HERPUD2: variants seen among roughly 807,000 people sequenced by gnomAD.
HERPUD2 encodes the protein homocysteine-responsive endoplasmic reticulum-resident ubiquitin-like domain member 2 protein.
A neutral mutation model predicts 49.9 loss-of-function variants in HERPUD2; 13 were observed. That is an observed-to-expected ratio of 0.26 (90% CI 0.17 to 0.41). HERPUD2 has a LOEUF of 0.41. Among genes scored for constraint, HERPUD2 ranks in the 10% least tolerant of loss-of-function variants. The pLI is 1.00. For synonymous variants in HERPUD2, 172 were observed against 171.4 expected, an observed-to-expected ratio of 1.00 and a Z score of -0.03; for missense variants, 449 against 492.2, an observed-to-expected ratio of 0.91 and a Z score of 0.83.
Position 35,682,343 on chromosome 7 carries a change from GTGTGTGTGTGTGTGTATATA to G in HERPUD2, c.148-9085_148-9066del, listed in dbSNP as rs1562686259. Among the ~76,000 whole-genome samples, 237 of 37,800 alleles carry G rather than the reference GTGTGTGTGTGTGTGTATATA, an allele frequency of 6.3e-3. 28 individuals carry two copies. The highest frequency in any genetic ancestry group is 8.0e-3 in the Non-Finnish European group (156 of 19,464). 24.8% of individuals were successfully genotyped at this position (37,800 alleles called of 152,430 possible). A position where few individuals can be genotyped will look rare whatever the true frequency, so the allele number is the denominator to read the frequency against. ...CATACACACGTGTGTGTGTGTGTGTGTGTGTGTGTGTGTGTATATATATATATATATATATATATATATAC... is the reference window on the plus strand; with the variant it reads ...CATACACACGTGTGTGTGTGTGTGTGTATATATATATATATATATATATAC... On this transcript the variant is annotated intron_variant, in intron 2 of 8. Coordinates refer to ENST00000311350, the MANE Select transcript of HERPUD2 (RefSeq NM_022373.5).
intron 5 of HERPUD2, among the ~76,000 whole-genome samples, chr7:35,650,610 A>G (rs1785144991): frequency 1.3e-5 from 2 of 152,148 alleles, no homozygotes; most frequent in South Asian, 4.1e-4. Context: ...TGCATGAGGG[A>G]TAACTGATGT....
rs370909445 is a variant in HERPUD2 at position 35,660,821 on chromosome 7, C to T, written c.494+6613G>A. On this transcript the variant is annotated intron_variant, in intron 5 of 8. Coordinates refer to ENST00000311350, the MANE Select transcript of HERPUD2 (RefSeq NM_022373.5). ...ATATTATAAAAATTTTCTCCCATTC[C>T]GTAGGTTGCCTGTTCACTCTGATGG... Among the ~76,000 whole-genome samples, 14 of 152,146 alleles carry T rather than the reference C, an allele frequency of 9.2e-5. No homozygotes were observed. In the South Asian group the frequency reaches 1.5e-3, roughly 16 times the overall value.
chr7:35,664,607 C>G (rs1312264228), intron 5 of HERPUD2, among the ~76,000 whole-genome samples: 1 of 152,134 alleles, frequency 6.6e-6, no homozygotes, highest in African/African-American at 2.4e-5. Flanking sequence ...TCTTTTTTCT[C>G]TAAACTTCTC....
At chr7:35,681,074 A>G (rs1785879300) in intron 2 of HERPUD2, among the ~76,000 whole-genome samples, 1 of 152,224 alleles carries the variant, frequency 6.6e-6, no homozygotes, top group Non-Finnish European at 1.5e-5. Flanking sequence ...TCACAACATT[A>G]AAACACTTGC....
At chr7:35,658,299 T>C (rs927826285) in intron 5 of HERPUD2, among the ~76,000 whole-genome samples, 3 of 151,578 alleles carry the variant, frequency 2.0e-5, no homozygotes, top group African/African-American at 7.3e-5. Context: ...AGGTAGAGAG[T>C]AGATTGATAG....
At position 35,694,503 on chromosome 7, in the gene HERPUD2, T is replaced by C; in HGVS notation, c.-173A>G. The C allele has an allele frequency of 4.6e-6, 3 of 655,136 alleles. No homozygotes were observed. The highest frequency in any genetic ancestry group is 7.8e-6 in the Non-Finnish European group (3 of 385,490). 40.6% of individuals were successfully genotyped at this position (655,136 alleles called of 1,614,324 possible). ...CGAAGCCCATTGCCGGTACCAAGGA[T>C]GGACTGAGGTGGTGGCGACTGCGAC... On this transcript the variant is annotated 5_prime_UTR_variant, in exon 2 of 9. Coordinates refer to ENST00000311350, the MANE Select transcript of HERPUD2 (RefSeq NM_022373.5).
At chr7:35,657,247 GTA>G (rs1188221453) in intron 5 of HERPUD2, among the ~76,000 whole-genome samples, 3 of 151,846 alleles carry the variant, frequency 2.0e-5, no homozygotes, top group Non-Finnish European at 2.9e-5. Flanking sequence ...TGGCAAACAG[GTA>G]TATGAAAAAA....
intron 5 of HERPUD2, among the ~76,000 whole-genome samples, chr7:35,656,228 T>C (rs1429381437): frequency 1.3e-5 from 2 of 151,154 alleles, no homozygotes; most frequent in African/African-American, 4.9e-5. Flanking sequence ...TTACAATAGC[T>C]ACAAAAAAAT....
intron 5 of HERPUD2, among the ~76,000 whole-genome samples, chr7:35,665,495 G>A (rs912425184): frequency 1.3e-5 from 2 of 152,192 alleles, no homozygotes; most frequent in Admixed American, 6.5e-5. Context: ...GGAGTATCCC[G>A]ATTTTCCAGG....
At chr7:35,666,507 T>C (rs543874783) in intron 5 of HERPUD2, among the ~76,000 whole-genome samples, 73 of 152,366 alleles carry the variant, frequency 4.8e-4, no homozygotes, top group Non-Finnish European at 7.6e-4. Context: ...TATTCTCATT[T>C]CTAGCTCCAT....
At position 35,633,054 on chromosome 7, in the gene HERPUD2, T is replaced by C. The variant is rs1024976270; in HGVS notation, c.*636A>G. ...CCAGGCTACTAGCTATAGACATTTA[T>C]ATGTGAAGCAGCTCTTTTTTTTTTT... On this transcript the variant is annotated 3_prime_UTR_variant, in exon 9 of 9. Transcript: ENST00000311350. 2 of 151,908 alleles carry C rather than the reference T, an allele frequency of 1.3e-5. No homozygotes were observed. The highest frequency in any genetic ancestry group is 4.8e-5 in the African/African-American group (2 of 41,360). 9.4% of individuals were successfully genotyped at this position (151,908 alleles called of 1,614,324 possible). A position where few individuals can be genotyped will look rare whatever the true frequency, so the allele number is the denominator to read the frequency against.
At chr7:35,636,309 T>A (rs1784870824) in intron 6 of HERPUD2, among the ~76,000 whole-genome samples, 1 of 152,158 alleles carries the variant, frequency 6.6e-6, no homozygotes, top group Non-Finnish European at 1.5e-5. Context: ...CACAAGAAAG[T>A]TAAATAAGTG....
chr7:35,689,782 GA>G (rs1224114858), intron 2 of HERPUD2, among the ~76,000 whole-genome samples: 1 of 152,154 alleles, frequency 6.6e-6, no homozygotes, highest in Non-Finnish European at 1.5e-5. Flanking sequence ...AATCTGCCCA[GA>G]ACTGAGGGAC....
At chr7:35,691,352 C>A (rs1308088726) in intron 2 of HERPUD2, among the ~76,000 whole-genome samples, 2 of 152,062 alleles carry the variant, frequency 1.3e-5, no homozygotes, top group Non-Finnish European at 2.9e-5. Flanking sequence ...AGCATATAGA[C>A]ATATGACCTA....
In HERPUD2 at chr7:35,693,175, CTATA is replaced by C. The variant is rs1300549274; in HGVS notation, c.147+1005_147+1008del. ...TTGGGGACAGATGGAGCTGTACTGT[CTATA>C]TTTTATTTATTATCTCTGCAATATC... On this transcript the variant is annotated intron_variant, in intron 2 of 8. Coordinates refer to ENST00000311350, the MANE Select transcript of HERPUD2 (RefSeq NM_022373.5). Among the ~76,000 whole-genome samples, 3 of 152,226 alleles carry C rather than the reference CTATA, an allele frequency of 2.0e-5. No individual in the cohort carries two copies. In the East Asian group the frequency reaches 5.8e-4, roughly 29 times the overall value.
intron 8 of HERPUD2, 151 bp from the exon 9 acceptor site, chr7:35,634,002 C>T: frequency 2.8e-6 from 2 of 718,752 alleles, no homozygotes; most frequent in Non-Finnish European, 4.5e-6. Context: ...TGATAAATTC[C>T]TCACTGTTCC....
At chr7:35,641,599 G>T (rs1039157686) in intron 5 of HERPUD2, among the ~76,000 whole-genome samples, 1 of 152,140 alleles carries the variant, frequency 6.6e-6, no homozygotes, top group Non-Finnish European at 1.5e-5. Flanking sequence ...AACCAAACCA[G>T]CACAGTACTG....
chr7:35,638,316 G>A lies in HERPUD2; in HGVS notation c.617+34C>T, dbSNP rs568332376. On this transcript the variant is annotated intron_variant, in intron 6 of 8. Transcript: ENST00000311350. Reference sequence around the variant, plus strand: ...AAGAAAATAAAGCAAATAACACACTGAGTAACTTAAAAAATGAACTCAGAT... The same window carrying A: ...AAGAAAATAAAGCAAATAACACACTAAGTAACTTAAAAAATGAACTCAGAT... 16 of 1,545,182 alleles carry A rather than the reference G, an allele frequency of 1.0e-5. 1 individual carries two copies. The highest frequency in any genetic ancestry group is 7.4e-5 in the South Asian group (6 of 81,240).
At position 35,634,360 on chromosome 7, in the gene HERPUD2, T is replaced by G; in HGVS notation, c.1011A>C (p.Glu337Asp). Reference sequence around the variant, plus strand: ...TTGCATTTTGCCCATCATTGTTAACTTCGGCATTATTGTTGGGAGCCTGCT... The same window carrying G: ...TTGCATTTTGCCCATCATTGTTAACGTCGGCATTATTGTTGGGAGCCTGCT... ...GHQQAPNNNA[E>D]VNNDGQNANN... The change falls in exon 8 of 9, where the codon GAA (glutamate) becomes GAC (aspartate). Residue 337 changes from glutamate to aspartate, a missense_variant. Coordinates refer to ENST00000311350, the MANE Select transcript of HERPUD2 (RefSeq NM_022373.5). 6.2e-7 allele frequency: 1 copy of G among 1,614,002 alleles called. No homozygotes were observed.
Sources: gnomAD v4.1 joint callset for allele counts (sites outside exome capture counted in the v4.1 genomes callset) on GRCh38, gnomAD v4.1.1 for gene constraint, MANE v1.5 for transcripts, NCBI Gene and HGNC (gene_info 2026-07-23, HGNC 2026-07-21) for gene names.